Variants in COMMD10 observed in about 807,000 individuals in gnomAD.
COMMD10 encodes COMM domain containing 10.
A neutral mutation model predicts 28.9 loss-of-function variants in COMMD10; 33 were observed. The ratio of observed to expected loss-of-function variants is 1.14; its 90% CI spans 0.87 to 1.53. The LOEUF (loss-of-function observed/expected upper bound fraction) is 1.53, where lower values mean the gene tolerates loss of function less well. COMMD10 is among the 40% of genes most tolerant of loss of function. COMMD10 has a pLI of 0.00. For synonymous variants in COMMD10, 110 were observed against 81.7 expected (o/e 1.35, Z -1.87); for missense variants, 310 against 233.4 (o/e 1.33, Z -2.14).
intron 5 of COMMD10, among the ~76,000 whole-genome samples, chr5:116,237,598 G>T (rs570838971): frequency 2.6e-5 from 4 of 151,984 alleles, no homozygotes; most frequent in African/African-American, 9.7e-5. Flanking sequence ...TCACTGGAGC[G>T]CAAAAGTTTG....
intron 5 of COMMD10, among the ~76,000 whole-genome samples, chr5:116,265,682 C>T (rs1240328738): frequency 6.6e-6 from 1 of 151,800 alleles, no homozygotes; most frequent in Non-Finnish European, 1.5e-5. Context: ...TGATTGCAAA[C>T]ACTTGCAATA....
Position 116,292,886 on chromosome 5 carries a change from G to T in COMMD10, c.*397G>T. On this transcript the variant is annotated 3_prime_UTR_variant, in exon 7 of 7. Transcript: ENST00000274458. Reference sequence around the variant, plus strand: ...GTACCTTAGTAGAATACAGAGCTTTGGTAATTACATGAATAAAATTAAGAA... The same window carrying T: ...GTACCTTAGTAGAATACAGAGCTTTTGTAATTACATGAATAAAATTAAGAA... The T allele has an allele frequency of 2.5e-6, 1 of 394,038 alleles. No individual in the cohort carries two copies. The highest frequency in any genetic ancestry group is 4.4e-5 in the Admixed American group (1 of 22,604). The allele number at this position is 394,038 out of a possible 1,614,324, so 24.4% of individuals were successfully genotyped here.
chr5:116,210,933 AATAC>A (rs1291766879), intron 5 of COMMD10, among the ~76,000 whole-genome samples: 1 of 152,138 alleles, frequency 6.6e-6, no homozygotes, highest in Non-Finnish European at 1.5e-5. Flanking sequence ...AGATAATAAT[AATAC>A]ATAGTTACAA....
In COMMD10 at chr5:116,292,843, G is replaced by A. The variant is rs1751406804; in HGVS notation, c.*354G>A. 1 of 394,842 alleles carries A rather than the reference G, an allele frequency of 2.5e-6. No individual in the cohort carries two copies. The highest frequency in any genetic ancestry group is 2.1e-5 in the African/African-American group (1 of 48,476). 24.5% of individuals were successfully genotyped at this position (394,842 alleles called of 1,614,324 possible). A position where few individuals can be genotyped will look rare whatever the true frequency, so the allele number is the denominator to read the frequency against. ...CCATAATGTATCAAGGAGCGTCCAT[G>A]GATACAAGATAAGATGTGTACCTTA... On this transcript the variant is annotated 3_prime_UTR_variant, in exon 7 of 7. Transcript: ENST00000274458.
intron 5 of COMMD10, among the ~76,000 whole-genome samples, chr5:116,287,426 A>T (rs539848086): frequency 4.0e-5 from 6 of 151,768 alleles, no homozygotes; most frequent in African/African-American, 1.5e-4. Flanking sequence ...TTTACACGGG[A>T]TATCTTTTTC....
At chr5:116,103,211 T>C (rs1199099875) in intron 4 of COMMD10, among the ~76,000 whole-genome samples, 1 of 152,214 alleles carries the variant, frequency 6.6e-6, no homozygotes, top group Non-Finnish European at 1.5e-5. Context: ...GGTCAAATGG[T>C]ATTTATAGTT....
At chr5:116,144,542 T>C (rs906579863) in intron 5 of COMMD10, among the ~76,000 whole-genome samples, 2 of 151,852 alleles carry the variant, frequency 1.3e-5, no homozygotes, top group Non-Finnish European at 2.9e-5. Context: ...TACATAGTGT[T>C]AAAAAATGAA....
intron 5 of COMMD10, among the ~76,000 whole-genome samples, chr5:116,217,394 G>A (rs1008640994): frequency 1.3e-5 from 2 of 152,192 alleles, no homozygotes; most frequent in Non-Finnish European, 1.5e-5. Flanking sequence ...CTGATGCTCT[G>A]AACAGGCAAA....
chr5:116,282,776 T>C (rs1307685055), intron 5 of COMMD10, among the ~76,000 whole-genome samples: 1 of 151,910 alleles, frequency 6.6e-6, no homozygotes, highest in Non-Finnish European at 1.5e-5. Context: ...TTCATTTGGA[T>C]TAGGGGCCAC....
chr5:116,193,490 A>G (rs1748427229), intron 5 of COMMD10, among the ~76,000 whole-genome samples: 1 of 152,230 alleles, frequency 6.6e-6, no homozygotes, highest in South Asian at 2.1e-4. Flanking sequence ...AAGGCATTTC[A>G]TGCAAATGGA....
intron 5 of COMMD10, among the ~76,000 whole-genome samples, chr5:116,149,663 AGTGTCT>A (rs1396607936): frequency 6.6e-6 from 1 of 150,872 alleles, no homozygotes; most frequent in Non-Finnish European, 1.5e-5. Flanking sequence ...TCTTTTGAGA[AGTGTCT>A]GTTCATGTCC....
intron 5 of COMMD10, among the ~76,000 whole-genome samples, chr5:116,254,287 CTG>C (rs574469606): frequency 0.016 from 2,418 of 152,014 alleles, 25 homozygotes; most frequent in Non-Finnish European, 0.026. Flanking sequence ...TTTTTTGTGT[CTG>C]TATTTCCTTC....
chr5:116,249,024 T>C (rs1338386538), intron 5 of COMMD10, among the ~76,000 whole-genome samples: 1 of 152,000 alleles, frequency 6.6e-6, no homozygotes, highest in Admixed American at 6.6e-5. Context: ...TAAATGTTAA[T>C]GATATTGTCT....
In COMMD10 at chr5:116,109,217, G is replaced by A. The variant is rs114785917; in HGVS notation, c.399+16517G>A. Among the ~76,000 whole-genome samples, 1,323 of 152,236 alleles carry A rather than the reference G, an allele frequency of 8.7e-3. 12 individuals are homozygous for A. Among genetic ancestry groups the A allele is most frequent in the Admixed American group, 0.012 (187 of 15,280 alleles). ...GGATGTTTTTCCATTTGTTTGTGTC[G>A]TGTTCAGTTTTCTTTCGTCAGTATT... On this transcript the variant is annotated intron_variant, in intron 4 of 6. Transcript: ENST00000274458.
At chr5:116,189,993 C>T (rs77918785) in intron 5 of COMMD10, among the ~76,000 whole-genome samples, 2,406 of 152,246 alleles carry the variant, frequency 0.016, 67 homozygotes, top group African/African-American at 0.056. Context: ...AGGGCTACCT[C>T]CACCAATTCA....
chr5:116,088,742 G>T (rs554026903), intron 2 of COMMD10, among the ~76,000 whole-genome samples: 6 of 152,100 alleles, frequency 3.9e-5, no homozygotes, highest in Non-Finnish European at 8.8e-5. Context: ...ATCCTTCAAG[G>T]ATTTCACAAT....
intron 4 of COMMD10, among the ~76,000 whole-genome samples, chr5:116,123,005 C>T (rs1751494630): frequency 6.6e-6 from 1 of 152,122 alleles, no homozygotes. Flanking sequence ...CCAGAACTTC[C>T]AACACTATGT....
intron 2 of COMMD10, among the ~76,000 whole-genome samples, chr5:116,089,650 A>G (rs1750233012): frequency 6.6e-6 from 1 of 152,332 alleles, no homozygotes; most frequent in Admixed American, 6.5e-5. Context: ...AAAGCATTCC[A>G]TGGAGGAGCT....
intron 5 of COMMD10, among the ~76,000 whole-genome samples, chr5:116,269,749 C>G (rs946190892): frequency 2.0e-5 from 3 of 151,748 alleles, no homozygotes; most frequent in Non-Finnish European, 2.9e-5. Context: ...ATTTTGGTTG[C>G]TGAGGTTGTA....
Sources: allele counts gnomAD v4.1 joint callset (sites outside exome capture counted in the v4.1 genomes callset), GRCh38; gene constraint gnomAD v4.1.1; transcripts MANE v1.5; gene names NCBI Gene and HGNC (gene_info 2026-07-23, HGNC 2026-07-21).